NCOA6: variants seen among roughly 807,000 people sequenced by gnomAD.
The protein encoded by NCOA6 is NRC RAP250.
NCOA6 carries 49 observed loss-of-function variants against 171.4 expected under a neutral mutation model. The observed-to-expected ratio is 0.29, with a 90% CI of 0.23 to 0.36. The LOEUF (loss-of-function observed/expected upper bound fraction) is 0.36, where lower values mean the gene tolerates loss of function less well. Among genes scored for constraint, NCOA6 ranks in the 10% least tolerant of loss-of-function variants. The pLI is 1.00. For missense variants in NCOA6, 2,248 were observed against 2,554.5 expected, an observed-to-expected ratio of 0.88 and a Z score of 2.59; for synonymous variants, 910 against 927.5, an observed-to-expected ratio of 0.98 and a Z score of 0.34.
At chr20:34,815,213 CAA>C (rs1555859856) in intron 1 of NCOA6, among the ~76,000 whole-genome samples, 6 of 140,576 alleles carry the variant, frequency 4.3e-5, no homozygotes, top group Non-Finnish European at 1.5e-5. Context: ...TTCTCTACCC[CAA>C]AAAAAAAAAA....
intron 14 of NCOA6, among the ~76,000 whole-genome samples, chr20:34,718,178 A>C (rs2146893091): frequency 6.6e-6 from 1 of 152,296 alleles, no homozygotes; most frequent in South Asian, 2.1e-4. Context: ...GAAGGATGTA[A>C]ACTTTCATAC....
intron 3 of NCOA6, among the ~76,000 whole-genome samples, chr20:34,780,254 C>A (rs76389998): frequency 6.6e-6 from 1 of 152,204 alleles, no homozygotes; most frequent in African/African-American, 2.4e-5. Context: ...TATATCTTAT[C>A]AAAATCTTTT....
chr20:34,819,139 TC>T (rs1210539283), intron 1 of NCOA6, among the ~76,000 whole-genome samples: 2 of 151,832 alleles, frequency 1.3e-5, no homozygotes, highest in East Asian at 3.9e-4. Flanking sequence ...TTTCTGGCCA[TC>T]CCCCCCACCA....
intron 1 of NCOA6, among the ~76,000 whole-genome samples, chr20:34,804,363 G>A (rs1037952813): frequency 6.6e-6 from 1 of 151,802 alleles, no homozygotes; most frequent in Non-Finnish European, 1.5e-5. Context: ...AAATAAGCAA[G>A]CTGGGTGTGG....
intron 11 of NCOA6, 117 bp from the exon 12 acceptor site, chr20:34,736,875 A>C (rs1249668890): frequency 1.2e-6 from 1 of 845,422 alleles, no homozygotes; most frequent in Non-Finnish European, 1.7e-6. Flanking sequence ...AGAGGGCAGT[A>C]CTCAAAATTG....
At chr20:34,810,572 T>C (rs1021775970) in intron 1 of NCOA6, among the ~76,000 whole-genome samples, 10 of 152,094 alleles carry the variant, frequency 6.6e-5, no homozygotes, top group African/African-American at 2.2e-4. Context: ...TTGTTTGTTT[T>C]TGAGACGGAG....
intron 14 of NCOA6, among the ~76,000 whole-genome samples, chr20:34,722,005 T>C (rs1222584451): frequency 1.5e-5 from 2 of 135,106 alleles, no homozygotes; most frequent in Non-Finnish European, 3.0e-5. Context: ...CAGTGAGTGA[T>C]GATAGTGCCA....
chr20:34,751,078 T>A (rs2076463507), intron 8 of NCOA6, among the ~76,000 whole-genome samples: 1 of 150,988 alleles, frequency 6.6e-6, no homozygotes, highest in Non-Finnish European at 1.5e-5. Flanking sequence ...GCTATAAGAA[T>A]GTGAAGTGTC....
At chr20:34,743,599 T>C (rs2076218159) in intron 10 of NCOA6, among the ~76,000 whole-genome samples, 2 of 152,138 alleles carry the variant, frequency 1.3e-5, no homozygotes, top group Non-Finnish European at 2.9e-5. Context: ...GAGCCATGAC[T>C]GTACTAAGAG....
chr20:34,750,292 T>C lies in NCOA6; in HGVS notation c.1903A>G (p.Met635Val), dbSNP rs1313677734. The C allele has an allele frequency of 3.7e-6, 6 of 1,612,864 alleles. No homozygotes were observed. The Admixed American group carries it at 8.3e-5, about 22-fold the overall frequency. The change falls in exon 9 of 15, where the codon ATG (methionine) becomes GTG (valine). Residue 635 changes from methionine (M) to valine (V), a missense_variant. Coordinates refer to ENST00000359003, the MANE Select transcript of NCOA6 (RefSeq NM_014071.5). ...TTCAAGGTTCCTTGTTGCTGGACCA[T>C]CTGGCCCTGGGAGGGCACGATTTGC... Reference protein sequence around the residue: ...HQQIVPSQGQMVQQQGTLNPQ... With the variant: ...HQQIVPSQGQVVQQQGTLNPQ...
intron 4 of NCOA6, among the ~76,000 whole-genome samples, chr20:34,768,918 T>G (rs780127747): frequency 1.7e-4 from 26 of 152,152 alleles, no homozygotes; most frequent in Non-Finnish European, 2.5e-4. Flanking sequence ...TGTGTGTGTG[T>G]GTAATGGAAG....
intron 1 of NCOA6, among the ~76,000 whole-genome samples, chr20:34,807,744 C>A (rs1450009011): frequency 6.6e-6 from 1 of 152,028 alleles, no homozygotes; most frequent in African/African-American, 2.4e-5. Context: ...CCAGGATGGT[C>A]TCGATCTCCT....
intron 4 of NCOA6, among the ~76,000 whole-genome samples, chr20:34,774,647 G>C (rs2077252991): frequency 6.6e-6 from 1 of 152,182 alleles, no homozygotes; most frequent in Non-Finnish European, 1.5e-5. Context: ...TAAAGTGGAA[G>C]GGAAAGCTGG....
intron 11 of NCOA6, among the ~76,000 whole-genome samples, chr20:34,739,719 T>C (rs1447581635): frequency 1.3e-5 from 2 of 152,194 alleles, no homozygotes; most frequent in Non-Finnish European, 2.9e-5. Context: ...TTCTCACCCA[T>C]ACAATGGGGT....
At chr20:34,719,115 A>T (rs1988973810) in intron 14 of NCOA6, among the ~76,000 whole-genome samples, 1 of 152,194 alleles carries the variant, frequency 6.6e-6, no homozygotes, top group Non-Finnish European at 1.5e-5. Flanking sequence ...CTGGGGGAAC[A>T]TTTAAATTTA....
intron 4 of NCOA6, among the ~76,000 whole-genome samples, chr20:34,775,305 G>GGTGTGT (rs112658298): frequency 3.3e-4 from 49 of 148,326 alleles, no homozygotes; most frequent in African/African-American, 1.2e-3. Flanking sequence ...TAGGGGTGTA[G>GGTGTGT]GTGTGTGTGT....
chr20:34,719,258 A>T (rs1340010693), intron 14 of NCOA6, among the ~76,000 whole-genome samples: 1 of 152,200 alleles, frequency 6.6e-6, no homozygotes. Flanking sequence ...GAGCTTTAGA[A>T]ATGGACTTTG....
At position 34,741,232 on chromosome 20, in the gene NCOA6, G is replaced by C; in HGVS notation, c.5024C>G (p.Pro1675Arg). 2 of 1,614,238 alleles carry C rather than the reference G, an allele frequency of 1.2e-6. No individual in the cohort carries two copies. The highest frequency in any genetic ancestry group is 1.7e-6 in the Non-Finnish European group (2 of 1,180,046). Reference protein sequence around the residue: ...SIIQVMKGSQPSTIPAAPLTT... With the variant: ...SIIQVMKGSQRSTIPAAPLTT... ...CAGTGGGGCTGCAGGAATTGTGCTTGGCTGTGATCCTTTCATAACCTGAAT... is the reference window on the plus strand; with the variant it reads ...CAGTGGGGCTGCAGGAATTGTGCTTCGCTGTGATCCTTTCATAACCTGAAT... The change falls in exon 11 of 15, where the codon CCA becomes CGA. Residue 1675 changes from proline (P) to arginine (R), a missense_variant. By Grantham distance (103) the Pro-to-Arg change is moderately radical. Transcript: ENST00000359003.
chr20:34,776,638 T>C (rs1296180068), intron 3 of NCOA6, 190 bp from the exon 4 acceptor site: 22 of 711,194 alleles, frequency 3.1e-5, no homozygotes, highest in Non-Finnish European at 2.5e-5. Flanking sequence ...TGGGTGACCA[T>C]GAACGAGCTA....
Sources: allele counts gnomAD v4.1 joint callset (sites outside exome capture counted in the v4.1 genomes callset), GRCh38; gene constraint gnomAD v4.1.1; transcripts MANE v1.5; gene names NCBI Gene and HGNC (gene_info 2026-07-23, HGNC 2026-07-21).